Variants in UBE2D3 observed in about 807,000 individuals in gnomAD.
UBE2D3 encodes ubiquitin conjugating enzyme E2 D3, also known as ubiquitin-conjugating enzyme E2 D3.
A neutral mutation model predicts 22.8 loss-of-function variants in UBE2D3; 2 were observed. That is an observed-to-expected ratio of 0.09 (90% CI 0.04 to 0.28). The LOEUF (loss-of-function observed/expected upper bound fraction) is 0.28, where lower values mean the gene tolerates loss of function less well. UBE2D3 is among the 10% of genes least tolerant of loss of function. The pLI, the probability that UBE2D3 is intolerant of heterozygous loss-of-function variation, is 1.00. For synonymous variants in UBE2D3, 56 were observed against 60.4 expected (o/e 0.93, Z 0.34); for missense variants, 27 against 182.5 (o/e 0.15, Z 4.91).
At chr4:102,818,929 A>G (rs571078858) in intron 2 of UBE2D3, among the ~76,000 whole-genome samples, 1 of 152,186 alleles carries the variant, frequency 6.6e-6, no homozygotes, top group South Asian at 2.1e-4. Flanking sequence ...TCCTCATTCA[A>G]TGATAAGTGG....
chr4:102,862,532 GT>G (rs1732948611), intron 1 of UBE2D3, among the ~76,000 whole-genome samples: 1 of 148,104 alleles, frequency 6.8e-6, no homozygotes, highest in Non-Finnish European at 1.5e-5. Flanking sequence ...TTGATCAAAT[GT>G]CCTACTTTTT....
chr4:102,806,300 T>TA lies in UBE2D3; in HGVS notation c.120+3371dup, dbSNP rs1727030525. Among the ~76,000 whole-genome samples, 3 of 152,170 alleles carry TA rather than the reference T, an allele frequency of 2.0e-5. No homozygotes were observed. The South Asian group carries it at 6.2e-4, about 32-fold the overall frequency. On this transcript the variant is annotated intron_variant, in intron 4 of 7. Transcript: ENST00000453744. The stretch of plus-strand genomic sequence containing the variant: ...ACTTGGAATATTCTTCCTTATAATA[T>TA]AGCCCTTCCTTTGTCTTATCTGCTC...
chr4:102,809,935 C>T, intron 2 of UBE2D3, 80 bp from the exon 3 acceptor site: 3 of 1,401,426 alleles, frequency 2.1e-6, no homozygotes, highest in Non-Finnish European at 3.0e-6. Flanking sequence ...CTTTCAGTTA[C>T]TTTCACCCTA....
intron 5 of UBE2D3, chr4:102,802,264 T>C (rs1726275470): frequency 4.2e-6 from 1 of 236,746 alleles, no homozygotes; most frequent in Non-Finnish European, 8.1e-6. Context: ...ATTTGATGCT[T>C]ACAAGACAAC....
At chr4:102,805,579 C>T (rs1726901369) in intron 4 of UBE2D3, among the ~76,000 whole-genome samples, 1 of 149,702 alleles carries the variant, frequency 6.7e-6, no homozygotes, top group Non-Finnish European at 1.5e-5. Context: ...CTCCACCTCC[C>T]AGGTTCAAGT....
At chr4:102,821,319 T>C (rs1729574786) in intron 2 of UBE2D3, among the ~76,000 whole-genome samples, 1 of 152,178 alleles carries the variant, frequency 6.6e-6, no homozygotes, top group Non-Finnish European at 1.5e-5. Context: ...ATACCTCCCC[T>C]ACTAGATCTA....
chr4:102,810,373 T>C (rs1424982578), intron 2 of UBE2D3: 3 of 150,086 alleles, frequency 2.0e-5, no homozygotes, highest in Non-Finnish European at 3.0e-5. Flanking sequence ...ACTCAACCTT[T>C]TTTTTTTTTT....
chr4:102,798,665 T>A (rs539916090), intron 7 of UBE2D3, among the ~76,000 whole-genome samples: 2 of 150,570 alleles, frequency 1.3e-5, no homozygotes, highest in African/African-American at 4.9e-5. Flanking sequence ...CCATGATAGT[T>A]TGAAAAAAAA....
At chr4:102,815,640 T>C (rs914653711) in intron 2 of UBE2D3, among the ~76,000 whole-genome samples, 2 of 152,184 alleles carry the variant, frequency 1.3e-5, no homozygotes, top group African/African-American at 2.4e-5. Flanking sequence ...GAAGGTATAA[T>C]TTCAGCTAGT....
At chr4:102,839,156 AACTG>A (rs1402975555) in intron 1 of UBE2D3, among the ~76,000 whole-genome samples, 3 of 152,336 alleles carry the variant, frequency 2.0e-5, no homozygotes, top group Admixed American at 6.5e-5. Flanking sequence ...AACTAGGAGA[AACTG>A]ACTAAGGATT....
rs553273049 is a variant in UBE2D3 at position 102,867,853 on chromosome 4, C to T, written c.-129+862G>A. On this transcript the variant is annotated intron_variant, in intron 1 of 7. Transcript: ENST00000338145. ...AGATCAAGCTTGCCCAACAGGATGG[C>T]TTTGAATGCCACTCAATGCAAATCT... is the stretch of plus-strand genomic sequence containing the variant. Among the ~76,000 whole-genome samples, 6 of 152,238 alleles carry T rather than the reference C, an allele frequency of 3.9e-5. No homozygotes were observed. In the East Asian group the frequency reaches 1.2e-3, roughly 29 times the overall value.
At chr4:102,827,229 G>C (rs1294482987) in intron 1 of UBE2D3, 198 bp downstream of exon 1, 1 of 980,318 alleles carries the variant, frequency 1.0e-6, no homozygotes, top group African/African-American at 1.7e-5. Flanking sequence ...TGAGGCTCCG[G>C]CTTAGGCGCG....
upstream of UBE2D3, among the ~76,000 whole-genome samples, chr4:102,830,971 CTT>C (rs1428692801): frequency 6.6e-6 from 1 of 152,136 alleles, no homozygotes; most frequent in Non-Finnish European, 1.5e-5. Flanking sequence ...ATTATAATAA[CTT>C]GAGAGTAAGG....
At chr4:102,854,644 A>G (rs1360791341) in intron 1 of UBE2D3, among the ~76,000 whole-genome samples, 1 of 152,166 alleles carries the variant, frequency 6.6e-6, no homozygotes, top group Non-Finnish European at 1.5e-5. Flanking sequence ...TAGTTTTAGC[A>G]TGGCAGATCT....
intron 1 of UBE2D3, among the ~76,000 whole-genome samples, chr4:102,868,518 T>G (rs1231563480): frequency 1.3e-5 from 2 of 152,022 alleles, no homozygotes; most frequent in Non-Finnish European, 2.9e-5. Flanking sequence ...ATGTAAACAG[T>G]TCCTGGTTTA....
At chr4:102,842,836 G>A (rs1408520996) in intron 1 of UBE2D3, among the ~76,000 whole-genome samples, 3 of 145,056 alleles carry the variant, frequency 2.1e-5, no homozygotes, top group Admixed American at 1.4e-4. Flanking sequence ...TTGGCCAGGC[G>A]TGGTGGCTCA....
At chr4:102,862,523 T>A (rs1029642471) in intron 1 of UBE2D3, among the ~76,000 whole-genome samples, 8 of 148,268 alleles carry the variant, frequency 5.4e-5, no homozygotes, top group African/African-American at 1.9e-4. Flanking sequence ...TCTTATACCT[T>A]GATCAAATGT....
chr4:102,828,155 G>A, upstream of UBE2D3: 1 of 985,488 alleles, frequency 1.0e-6, no homozygotes, highest in South Asian at 4.7e-5. Flanking sequence ...TATGCCGGTG[G>A]TTGGTAGAGG....
chr4:102,846,248 T>A (rs1732036301), intron 1 of UBE2D3, among the ~76,000 whole-genome samples: 1 of 152,202 alleles, frequency 6.6e-6, no homozygotes, highest in African/African-American at 2.4e-5. Context: ...ATAGTGGTGC[T>A]CCCATCATCA....
Sources: gnomAD v4.1 joint callset for allele counts (sites outside exome capture counted in the v4.1 genomes callset) on GRCh38, gnomAD v4.1.1 for gene constraint, MANE v1.5 for transcripts, NCBI Gene and HGNC (gene_info 2026-07-23, HGNC 2026-07-21) for gene names.